Variants in ANKS1B observed in about 807,000 individuals in gnomAD.
ANKS1B encodes the protein ankyrin repeat and sterile alpha motif domain-containing protein 1B.
Under a neutral mutation model 148.3 loss-of-function variants are expected in ANKS1B, and 36 were observed. The ratio of observed to expected loss-of-function variants is 0.24; its 90% CI spans 0.19 to 0.32. The LOEUF (loss-of-function observed/expected upper bound fraction) is 0.32, where lower values mean the gene tolerates loss of function less well. Among genes scored for constraint, ANKS1B ranks in the 10% least tolerant of loss-of-function variants. The pLI, the probability that ANKS1B is intolerant of heterozygous loss-of-function variation, is 1.00. For missense variants in ANKS1B, 1,157 were observed against 1,542.6 expected (o/e 0.75, Z 4.19); for synonymous variants, 542 against 560.8 (o/e 0.97, Z 0.47).
intron 8 of ANKS1B, among the ~76,000 whole-genome samples, chr12:99,689,144 G>A (rs1376752081): frequency 6.6e-6 from 1 of 151,832 alleles, no homozygotes; most frequent in Non-Finnish European, 1.5e-5. Flanking sequence ...TGATATTTTG[G>A]TTTCTAGTTT....
At chr12:99,592,324 C>A (rs1255473572) in intron 9 of ANKS1B, among the ~76,000 whole-genome samples, 2 of 151,844 alleles carry the variant, frequency 1.3e-5, no homozygotes, top group Non-Finnish European at 2.9e-5. Context: ...TTCTAAAGTA[C>A]TACGGTTTGA....
intron 8 of ANKS1B, among the ~76,000 whole-genome samples, chr12:99,689,798 A>G (rs2098669111): frequency 6.6e-6 from 1 of 152,198 alleles, no homozygotes; most frequent in Admixed American, 6.5e-5. Flanking sequence ...ACAACCTCAG[A>G]AGTGAATTTA....
intron 17 of ANKS1B, among the ~76,000 whole-genome samples, chr12:98,996,286 A>G (rs1022048621): frequency 1.3e-5 from 2 of 152,340 alleles, no homozygotes; most frequent in Middle Eastern, 3.4e-3. Context: ...GTGAATCAGT[A>G]GCTACACAAG....
intron 1 of ANKS1B, among the ~76,000 whole-genome samples, chr12:99,924,199 C>A (rs1001034794): frequency 1.3e-5 from 2 of 151,862 alleles, no homozygotes; most frequent in Non-Finnish European, 2.9e-5. Flanking sequence ...TGGTGGTGGG[C>A]CTTTTACAGA....
chr12:99,821,939 A>G (rs2153679486), intron 2 of ANKS1B, among the ~76,000 whole-genome samples: 1 of 152,270 alleles, frequency 6.6e-6, no homozygotes, highest in South Asian at 2.1e-4. Flanking sequence ...AAAAATTAGA[A>G]GATATGGCAA....
At chr12:99,256,355 ACTT>A (rs2075272712) in intron 12 of ANKS1B, among the ~76,000 whole-genome samples, 2 of 151,932 alleles carry the variant, frequency 1.3e-5, no homozygotes, top group Admixed American at 1.3e-4. Context: ...ACATTCAATT[ACTT>A]CTTCTATAAT....
intron 17 of ANKS1B, among the ~76,000 whole-genome samples, chr12:99,045,110 G>A (rs1278254757): frequency 6.6e-6 from 1 of 152,146 alleles, no homozygotes; most frequent in African/African-American, 2.4e-5. Context: ...CTGTTGAAAA[G>A]CATTTCTGAA....
intron 9 of ANKS1B, among the ~76,000 whole-genome samples, chr12:99,568,527 T>C (rs1378413994): frequency 6.6e-6 from 1 of 152,230 alleles, no homozygotes; most frequent in Non-Finnish European, 1.5e-5. Context: ...AATACCTTTC[T>C]AATATTCAAA....
intron 10 of ANKS1B, among the ~76,000 whole-genome samples, chr12:99,450,034 G>A (rs943079152): frequency 2.0e-5 from 3 of 152,084 alleles, no homozygotes; most frequent in Non-Finnish European, 4.4e-5. Flanking sequence ...AGCTGGAGGT[G>A]CAGGACAGCC....
At chr12:99,197,488 A>G (rs918505233) in intron 14 of ANKS1B, among the ~76,000 whole-genome samples, 2 of 152,168 alleles carry the variant, frequency 1.3e-5, no homozygotes, top group South Asian at 4.1e-4. Flanking sequence ...TAAACATGTT[A>G]ACTTGCAAGA....
At chr12:99,510,010 G>A (rs1468789962) in intron 9 of ANKS1B, among the ~76,000 whole-genome samples, 1 of 151,990 alleles carries the variant, frequency 6.6e-6, no homozygotes, top group Non-Finnish European at 1.5e-5. Context: ...AAATCTGGAT[G>A]ACAGCATGTC....
At position 99,701,428 on chromosome 12, in the gene ANKS1B, T is replaced by G. The variant is rs374736900; in HGVS notation, c.1129-46218A>C. 1.4e-3 allele frequency among the ~76,000 whole-genome samples: 213 copies of G among 152,228 alleles called. 1 individual carries two copies. The highest frequency in any genetic ancestry group is 4.8e-3 in the African/African-American group (198 of 41,542). ...ATGGGTACATAGTAGGTGTATATATTTATGAGGTACATGAGATACTTTTAT... is the reference window on the plus strand; with the variant it reads ...ATGGGTACATAGTAGGTGTATATATGTATGAGGTACATGAGATACTTTTAT... On this transcript the variant is annotated intron_variant, in intron 8 of 26. Transcript: ENST00000683438.
chr12:99,158,703 A>G (rs969043290), intron 14 of ANKS1B, among the ~76,000 whole-genome samples: 9 of 60,020 alleles, frequency 1.5e-4, no homozygotes, highest in African/African-American at 3.4e-4. Context: ...AGACACTAAA[A>G]CTTGGTAAAA....
intron 17 of ANKS1B, among the ~76,000 whole-genome samples, chr12:98,967,848 G>A (rs1300751231): frequency 2.0e-5 from 3 of 151,906 alleles, no homozygotes; most frequent in Non-Finnish European, 4.4e-5. Flanking sequence ...CTAGGCTGGA[G>A]GTTGGCTAAC....
chr12:99,258,615 T>TTTG (rs920534652), intron 12 of ANKS1B, among the ~76,000 whole-genome samples: 9 of 151,000 alleles, frequency 6.0e-5, no homozygotes, highest in African/African-American at 1.7e-4. Context: ...CACTTGTTTT[T>TTTG]TTTTTTTTTT....
intron 11 of ANKS1B, among the ~76,000 whole-genome samples, chr12:99,408,506 A>G: frequency 6.9e-6 from 1 of 145,870 alleles, no homozygotes; most frequent in East Asian, 1.9e-4. Context: ...GTGAGATTAT[A>G]TCAAGCTAAA....
intron 12 of ANKS1B, among the ~76,000 whole-genome samples, chr12:99,351,205 C>T (rs1004467571): frequency 6.6e-6 from 1 of 152,004 alleles, no homozygotes; most frequent in Non-Finnish European, 1.5e-5. Flanking sequence ...ATTGGTCATG[C>T]AAGTCTTATT....
At chr12:99,730,673 G>A (rs73143686) in intron 8 of ANKS1B, among the ~76,000 whole-genome samples, 29,586 of 152,030 alleles carry the variant, frequency 0.19, 3,458 homozygotes, top group East Asian at 0.51. Flanking sequence ...CTCTCTGTCT[G>A]GGAGCTGAGA....
chr12:99,194,784 AT>A (rs1244129427), intron 14 of ANKS1B, among the ~76,000 whole-genome samples: 1 of 152,140 alleles, frequency 6.6e-6, no homozygotes, highest in Non-Finnish European at 1.5e-5. Flanking sequence ...TACATGCAAT[AT>A]ATTAACAGAT....
Sources: allele counts gnomAD v4.1 joint callset (sites outside exome capture counted in the v4.1 genomes callset), GRCh38; gene constraint gnomAD v4.1.1; transcripts MANE v1.5; gene names NCBI Gene and HGNC (gene_info 2026-07-23, HGNC 2026-07-21).